The following NPR3 variants were observed in gnomAD, a reference collection of about 807,000 sequenced individuals.
NPR3 encodes natriuretic peptide receptor 3.
A neutral mutation model predicts 54.5 loss-of-function variants in NPR3; 34 were observed. The observed-to-expected ratio is 0.62, with a 90% confidence interval of 0.47 to 0.83. The LOEUF (loss-of-function observed/expected upper bound fraction) is 0.83. Ranked by LOEUF, NPR3 falls within the 40% of genes least tolerant of loss-of-function variation. The probability of loss-of-function intolerance (pLI) is 0.00; values close to 1 mark genes in which losing one functional copy is unlikely to be tolerated. For missense variants in NPR3, 674 were observed against 720.8 expected (o/e 0.94, Z 0.74); for synonymous variants, 289 against 297.1 (o/e 0.97, Z 0.28).
intron 1 of NPR3, among the ~76,000 whole-genome samples, chr5:32,719,158 T>C (rs1036524864): frequency 6.6e-6 from 1 of 152,228 alleles, no homozygotes; most frequent in Non-Finnish European, 1.5e-5. Flanking sequence ...ATTACATTTA[T>C]TGATTTGCGT....
chr5:32,789,945 A>C lies in NPR3; in HGVS notation c.*3600A>C, dbSNP rs116229926. ...AAGTACCTGTGTTTCTTGGGACACA[A>C]AGCACTCAGATCCTGAGTGGATGCA... On this transcript the variant is annotated 3_prime_UTR_variant, in exon 8 of 8. Coordinates refer to ENST00000265074, the MANE Select transcript of NPR3 (RefSeq NM_001204375.2). 1 of 348,906 alleles carries C rather than the reference A, an allele frequency of 2.9e-6. No individual in the cohort carries two copies. Among genetic ancestry groups the C allele is most frequent in the African/African-American group, 2.1e-5 (1 of 46,698 alleles). 21.6% of individuals were successfully genotyped at this position (348,906 alleles called of 1,614,324 possible). A position where few individuals can be genotyped will look rare whatever the true frequency, so the allele number is the denominator to read the frequency against.
chr5:32,759,363 CT>C lies in NPR3; in HGVS notation c.1060-15337del, dbSNP rs935186796. Among the ~76,000 whole-genome samples the C allele has an allele frequency of 7.9e-5, 12 of 152,002 alleles. 1 individual carries two copies. The highest frequency in any genetic ancestry group is 1.9e-4 in the East Asian group (1 of 5,180). The stretch of plus-strand genomic sequence containing the variant: ...GATCCCTTTACCATTATGTAATGGC[CT>C]TTTTTTTCTCTTTTGATCTTTGTTG... On this transcript the variant is annotated intron_variant, in intron 3 of 7. Coordinates refer to ENST00000265074, the MANE Select transcript of NPR3 (RefSeq NM_001204375.2).
intron 3 of NPR3, among the ~76,000 whole-genome samples, chr5:32,760,087 A>G (rs1022227191): frequency 1.3e-5 from 2 of 149,132 alleles, no homozygotes; most frequent in African/African-American, 4.9e-5. Flanking sequence ...TTGTTTAAAT[A>G]CGCCATGATT....
upstream of NPR3, among the ~76,000 whole-genome samples, chr5:32,708,888 C>T (rs1406867696): frequency 6.6e-6 from 1 of 151,088 alleles, no homozygotes; most frequent in Non-Finnish European, 1.5e-5. Context: ...GTGTTTTGAG[C>T]TTCAGCAAAA....
rs1385302920 is a variant in NPR3, at chr5:32,784,839, G to T, written c.1470G>T (p.Gly490=). The T allele has an allele frequency of 6.2e-7, 1 of 1,613,796 alleles. No individual in the cohort carries two copies. The highest frequency in any genetic ancestry group is 1.7e-5 in the Admixed American group (1 of 60,002). ...EESAVTGIVV[G]ALLGAGLLMA... ...CGGCAGTGACAGGAATTGTCGTGGG[G>T]GCTTTACTAGGAGCTGGCTTGCTAA... The change falls in exon 7 of 8, where the codon GGG becomes GGT. Residue 490 remains glycine, a synonymous_variant. Transcript: ENST00000265074.
intron 1 of NPR3, among the ~76,000 whole-genome samples, chr5:32,714,922 A>G (rs1738471069): frequency 6.6e-6 from 1 of 152,146 alleles, no homozygotes; most frequent in East Asian, 1.9e-4. Flanking sequence ...CGAGCTCCTT[A>G]GGTAAAGTGG....
chr5:32,781,952 C>T (rs776353122), intron 5 of NPR3, among the ~76,000 whole-genome samples: 6 of 152,142 alleles, frequency 3.9e-5, no homozygotes, highest in Non-Finnish European at 8.8e-5. Flanking sequence ...ACCAGCCACT[C>T]GAGAGCCATG....
intron 1 of NPR3, among the ~76,000 whole-genome samples, chr5:32,719,468 T>C (rs1292948303): frequency 6.6e-6 from 1 of 152,206 alleles, no homozygotes; most frequent in Non-Finnish European, 1.5e-5. Flanking sequence ...TGTGACAGTA[T>C]TGCTTTACTG....
At chr5:32,724,941 C>A in intron 2 of NPR3, 121 bp downstream of exon 2, 2 of 1,073,128 alleles carry the variant, frequency 1.9e-6, no homozygotes, top group Non-Finnish European at 2.7e-6. Context: ...TACTATGCAG[C>A]TTTATAAAAC....
chr5:32,744,070 G>A (rs1740174260), intron 3 of NPR3, among the ~76,000 whole-genome samples: 1 of 138,830 alleles, frequency 7.2e-6, no homozygotes, highest in Admixed American at 8.0e-5. Context: ...CTGGCTCACT[G>A]CAACCCCTGC....
intron 2 of NPR3, among the ~76,000 whole-genome samples, chr5:32,731,251 T>C (rs1032352179): frequency 6.6e-6 from 1 of 152,266 alleles, no homozygotes; most frequent in Admixed American, 6.5e-5. Flanking sequence ...AATGCTCTTA[T>C]ACAACTTACA....
intron 3 of NPR3, among the ~76,000 whole-genome samples, chr5:32,763,492 T>C (rs1741283804): frequency 6.6e-6 from 1 of 151,398 alleles, no homozygotes; most frequent in African/African-American, 2.4e-5. Context: ...TTTTTTTTTT[T>C]TTTAAGAGTC....
chr5:32,743,834 G>A (rs1740154721), intron 3 of NPR3, among the ~76,000 whole-genome samples: 1 of 151,920 alleles, frequency 6.6e-6, no homozygotes, highest in Non-Finnish European at 1.5e-5. Context: ...CTATCACTGG[G>A]GCTGTAAGTG....
intron 3 of NPR3, among the ~76,000 whole-genome samples, chr5:32,740,723 T>A (rs951179981): frequency 2.0e-5 from 3 of 152,216 alleles, no homozygotes; most frequent in African/African-American, 7.2e-5. Context: ...AATGTATTTC[T>A]TGTACTATGT....
chr5:32,754,616 CT>C (rs1390566710), intron 3 of NPR3, among the ~76,000 whole-genome samples: 5 of 152,074 alleles, frequency 3.3e-5, no homozygotes, highest in African/African-American at 1.2e-4. Context: ...TATTTATCTT[CT>C]GATTTTTTTT....
chr5:32,736,249 G>A (rs147230575), intron 2 of NPR3, among the ~76,000 whole-genome samples: 6,953 of 124,498 alleles, frequency 0.056, 229 homozygotes, highest in Non-Finnish European at 0.073. Flanking sequence ...AAAAAAAAAA[G>A]AAAAAAAAAA....
chr5:32,707,153 A>G (rs1165317204), upstream of NPR3, among the ~76,000 whole-genome samples: 1 of 152,204 alleles, frequency 6.6e-6, no homozygotes, highest in Non-Finnish European at 1.5e-5. Flanking sequence ...TTGCCTCAGA[A>G]CATCTTCAAA....
chr5:32,780,611 C>G, intron 4 of NPR3, 111 bp from the exon 5 acceptor site: 1 of 752,820 alleles, frequency 1.3e-6, no homozygotes, highest in South Asian at 1.4e-5. Context: ...ATGAGATTCC[C>G]TGTGGCATGA....
At chr5:32,713,054 C>T in intron 1 of NPR3, 3 of 541,504 alleles carry the variant, frequency 5.5e-6, no homozygotes, top group South Asian at 8.0e-5. Flanking sequence ...ACTGTTGTTT[C>T]CACAGACCCC....
Sources: allele counts gnomAD v4.1 joint callset (sites outside exome capture counted in the v4.1 genomes callset), GRCh38; gene constraint gnomAD v4.1.1; transcripts MANE v1.5; gene names NCBI Gene and HGNC (gene_info 2026-07-23, HGNC 2026-07-21).